Variants in MST1R observed in about 807,000 individuals in gnomAD.
MST1R encodes the protein macrophage stimulating 1 receptor, also known as macrophage-stimulating protein receptor.
A neutral mutation model predicts 117.8 loss-of-function variants in MST1R; 99 were observed. The observed-to-expected ratio is 0.84, with a 90% CI of 0.71 to 0.99. The LOEUF is 0.99. Ranked by LOEUF, MST1R falls within the 50% of genes least tolerant of loss-of-function variation. The pLI is 0.00. For missense variants in MST1R, 1,683 were observed against 1,840.2 expected, an observed-to-expected ratio of 0.91 and a Z score of 1.56; for synonymous variants, 734 against 765.3, an observed-to-expected ratio of 0.96 and a Z score of 0.68.
Position 49,902,998 on chromosome 3 carries a change from G to A in MST1R, c.612C>T (p.Asp204=), listed in dbSNP as rs781568417. The change falls in exon 1 of 20, where the codon GAC becomes GAT. Residue 204 remains aspartate (D), a synonymous_variant. Transcript: ENST00000296474. ...ASYFYVASSL[D]AAVAASFSPR... Reference sequence around the variant, plus strand: ...GGCTGAAGCTGGCAGCCACGGCTGCGTCCAGTGAGGATGCCACGTAGAAAT... The same window carrying A: ...GGCTGAAGCTGGCAGCCACGGCTGCATCCAGTGAGGATGCCACGTAGAAAT... 1.0e-4 allele frequency: 169 copies of A among 1,612,968 alleles called. No individual in the cohort carries two copies. The highest frequency in any genetic ancestry group is 1.6e-4 in the Middle Eastern group (1 of 6,084).
rs143735950 is a variant in MST1R, at chr3:49,902,632, G to C, written c.978C>G (p.Ser326=). ...QPYPVLRVAH[S]APVGAQLATE... is the part of the protein sequence containing the mutation. ...TGGCAAGTTGGGCACCCACTGGAGC[G>C]GAGTGGGCCACCCGCAGCACAGGGT... Residue 326 remains serine, a synonymous_variant, in exon 1 of 20, where the codon TCC becomes TCG. Coordinates refer to ENST00000296474, the MANE Select transcript of MST1R (RefSeq NM_002447.4). The C allele has an allele frequency of 1.2e-6, 2 of 1,613,488 alleles. No homozygotes were observed. Among genetic ancestry groups the C allele is most frequent in the South Asian group, 2.2e-5 (2 of 91,086 alleles).
At position 49,898,101 on chromosome 3, in the gene MST1R, A is replaced by T; in HGVS notation, c.1830T>A (p.Thr610=). The part of the protein sequence containing the change: ...GLVPEGTHQV[T]VGQSPCRPLP... ...GTGGCCGGCAGGGACTTTGGCCCACAGTGACCTGATGGGTTCCCTCAGGCA... is the reference window on the plus strand; with the variant it reads ...GTGGCCGGCAGGGACTTTGGCCCACTGTGACCTGATGGGTTCCCTCAGGCA... Residue 610 remains threonine, a synonymous_variant, in exon 5 of 20, where the codon ACT becomes ACA. Coordinates refer to ENST00000296474, the MANE Select transcript of MST1R (RefSeq NM_002447.4). 1 of 1,614,082 alleles carries T rather than the reference A, an allele frequency of 6.2e-7. No individual in the cohort carries two copies. Among genetic ancestry groups the T allele is most frequent in the Non-Finnish European group, 8.5e-7 (1 of 1,180,030 alleles).
rs757624747 is a variant in MST1R at position 49,903,193 on chromosome 3, C to T, written c.417G>A (p.Leu139=). 1.9e-6 allele frequency: 3 copies of T among 1,605,726 alleles called. No individual in the cohort carries two copies. In the Admixed American group the frequency reaches 5.0e-5, roughly 27 times the overall value. Reference sequence around the variant, plus strand: ...GGTCATGCAGGAAGCAGCGGCCCTGCAGGCTGGAGCCACAACTGACCAGCG... The same window carrying T: ...GGTCATGCAGGAAGCAGCGGCCCTGTAGGCTGGAGCCACAACTGACCAGCG... ...LPALVSCGSS[L]QGRCFLHDLE... The change falls in exon 1 of 20, where the codon CTG becomes CTA. Residue 139 remains leucine (L), a synonymous_variant. Coordinates refer to ENST00000296474, the MANE Select transcript of MST1R (RefSeq NM_002447.4).
Position 49,895,480 on chromosome 3 carries a change from G to T in MST1R, c.3031C>A (p.Leu1011Met), listed in dbSNP as rs775538583. Residue 1011 changes from leucine to methionine, a missense_variant, in exon 13 of 20, where the codon CTG becomes ATG. By Grantham distance (15) the Leu-to-Met change is conservative (BLOSUM62 2). Coordinates refer to ENST00000296474, the MANE Select transcript of MST1R (RefSeq NM_002447.4). ...QTAGATPLPI[L>M]YSGSDYRSGL... ...CTTCTGTAGTCAGAGCCCGAGTACA[G>T]AATAGGCAGGGGTGTGGCTCCAGCA... 5.0e-6 allele frequency: 8 copies of T among 1,614,178 alleles called. No homozygotes were observed. Among genetic ancestry groups the T allele is most frequent in the Admixed American group, 1.7e-5 (1 of 60,010 alleles).
intron 14 of MST1R, among the ~76,000 whole-genome samples, chr3:49,893,108 A>T (rs1178682630): frequency 6.6e-6 from 1 of 150,664 alleles, no homozygotes; most frequent in Non-Finnish European, 1.5e-5. Context: ...ATGAAACTCC[A>T]TTTCTACTAA....
At chr3:49,891,732 G>A (rs1438631730) in intron 15 of MST1R, 26 bp downstream of exon 15, 1 of 1,613,082 alleles carries the variant, frequency 6.2e-7, no homozygotes, top group East Asian at 2.2e-5. Context: ...CCCTCCCTCT[G>A]CCTTCCCATC....
chr3:49,898,392 A>C, intron 4 of MST1R, 126 bp downstream of exon 4: 1 of 1,386,308 alleles, frequency 7.2e-7, no homozygotes, highest in Non-Finnish European at 9.9e-7. Context: ...TCTGACAAGA[A>C]TGCCCTCCTT....
chr3:49,896,057 C>A lies in MST1R; in HGVS notation c.2700G>T (p.Val900=). 6.2e-7 allele frequency: 1 copy of A among 1,610,822 alleles called. No individual in the cohort carries two copies. Among genetic ancestry groups the A allele is most frequent in the East Asian group, 2.2e-5 (1 of 44,824 alleles). Residue 900 remains valine, a synonymous_variant, in exon 11 of 20, where the codon GTG becomes GTT. Transcript: ENST00000296474. ...ACTCGTGCTGGCAGCTCTCACCACC[C>A]ACGGTCACGTTGATACCCACACAGT... The part of the protein sequence containing the change: ...VADCVGINVT[V]GGESCQHEFR...
At chr3:49,889,123 T>C (rs1341647623) in intron 19 of MST1R, among the ~76,000 whole-genome samples, 1 of 152,222 alleles carries the variant, frequency 6.6e-6, no homozygotes, top group Non-Finnish European at 1.5e-5. Context: ...GCAGTCCCTG[T>C]GGGATGGGCT....
chr3:49,897,395 G>A lies in MST1R; in HGVS notation c.2068C>T (p.Gln690Ter), dbSNP rs61734381. The change falls in exon 7 of 20, where the codon CAA (glutamine) becomes TAA (stop). Residue 690 changes from glutamine to a stop codon, truncating the protein, a stop_gained. Coordinates refer to ENST00000296474, the MANE Select transcript of MST1R (RefSeq NM_002447.4). LOFTEE classifies it high-confidence loss of function. ...CCTGCCCGTGGGCCAAAGAGGGGTT[G>A]CACTGCTATCAGCACTGGCTCCTAA... is the stretch of plus-strand genomic sequence containing the variant. ...SFMEPVLIAV[Q>*]PLFGPRAGGT... 3.7e-4 allele frequency: 598 copies of A among 1,613,724 alleles called. 2 individuals are homozygous for A. The African/African-American group carries it at 7.0e-3, about 19-fold the overall frequency.
At chr3:49,898,716 G>T in intron 3 of MST1R, 28 bp from the exon 4 acceptor site, 4 of 1,612,590 alleles carry the variant, frequency 2.5e-6, no homozygotes, top group African/African-American at 1.3e-5. Flanking sequence ...GTGACTCAGG[G>T]GTGCCTGGAG....
chr3:49,902,435 G>A lies in MST1R; in HGVS notation c.1175C>T (p.Pro392Leu). Reference sequence around the variant, plus strand: ...GAAGTCGAGGCCTCGCCGGAGGCCTGGATGGACTGGGGATTCACAACAGCG... The same window carrying A: ...GAAGTCGAGGCCTCGCCGGAGGCCTAGATGGACTGGGGATTCACAACAGCG... ...VERCCESPVH[P>L]GLRRGLDFFQ... Residue 392 changes from proline (P) to leucine (L), a missense_variant, in exon 1 of 20, where the codon CCA becomes CTA. Transcript: ENST00000296474. 1 of 1,614,154 alleles carries A rather than the reference G, an allele frequency of 6.2e-7. No individual in the cohort carries two copies. Among genetic ancestry groups the A allele is most frequent in the Admixed American group, 1.7e-5 (1 of 60,028 alleles).
chr3:49,894,733 A>T (rs963337366), intron 14 of MST1R, among the ~76,000 whole-genome samples: 1 of 152,218 alleles, frequency 6.6e-6, no homozygotes, highest in African/African-American at 2.4e-5. Flanking sequence ...CAGAGAGGTT[A>T]AGTGGTATAC....
In MST1R at chr3:49,887,331, G is replaced by A; in HGVS notation, c.4179C>T (p.Leu1393=). Residue 1393 remains leucine (L), a synonymous_variant, in exon 20 of 20, where the codon CTC becomes CTT. Coordinates refer to ENST00000296474, the MANE Select transcript of MST1R (RefSeq NM_002447.4). ...MPGNVRRPRP[L]SEPPRPT The stretch of plus-strand genomic sequence containing the variant: ...GTCAAGTGGGCCGAGGAGGCTCTGA[G>A]AGTGGCCGGGGCCGGCGTACATTCC... The A allele has an allele frequency of 1.2e-6, 2 of 1,614,254 alleles. No individual in the cohort carries two copies. Among genetic ancestry groups the A allele is most frequent in the Non-Finnish European group, 1.7e-6 (2 of 1,180,054 alleles).
chr3:49,898,894 G>A lies in MST1R; in HGVS notation c.1521C>T (p.Asp507=), dbSNP rs1185020102. The A allele has an allele frequency of 3.1e-6, 5 of 1,614,016 alleles. No individual in the cohort carries two copies. The highest frequency in any genetic ancestry group is 1.1e-5 in the South Asian group (1 of 91,084). Residue 507 remains aspartate (D), a synonymous_variant, in exon 3 of 20, where the codon GAC becomes GAT. Coordinates refer to ENST00000296474, the MANE Select transcript of MST1R (RefSeq NM_002447.4). ...GGTCCCCAGAGGCAAAGAGTAGGTG[G>A]TCCCCAAGACGACTGACATCCCGCT... ...PVQRDVSRLG[D]HLLFASGDQV...
In MST1R at chr3:49,887,349, T is replaced by C; in HGVS notation, c.4161A>G (p.Val1387=). The change falls in exon 20 of 20, where the codon GTA becomes GTG. Residue 1387 remains valine (V), a synonymous_variant. Transcript: ENST00000296474. The part of the protein sequence containing the change: ...QPQFSPMPGN[V]RRPRPLSEPP... ...GCTCTGAGAGTGGCCGGGGCCGGCG[T>C]ACATTCCCTGGCATGGGTGAGAACT... 1.2e-6 allele frequency: 2 copies of C among 1,614,178 alleles called. No homozygotes were observed. Among genetic ancestry groups the C allele is most frequent in the South Asian group, 2.2e-5 (2 of 91,082 alleles).
Position 49,887,519 on chromosome 3 carries a change from G to A in MST1R, c.3991C>T (p.Arg1331Ter), listed in dbSNP as rs1397526390. 7.4e-6 allele frequency: 12 copies of A among 1,614,028 alleles called. No individual in the cohort carries two copies. The highest frequency in any genetic ancestry group is 1.3e-5 in the African/African-American group (1 of 74,926). The part of the protein sequence containing the change: ...QQCWEADPAV[R>*]PTFRVLVGEV... ...CCCACTAGTACTCTGAAGGTGGGTCGCACTGCTGGGTCTGCCTCCCAGCAT... is the reference window on the plus strand; with the variant it reads ...CCCACTAGTACTCTGAAGGTGGGTCACACTGCTGGGTCTGCCTCCCAGCAT... Residue 1331 changes from arginine (R) to a stop codon, truncating the protein, a stop_gained, in exon 20 of 20, where the codon CGA (arginine) becomes TGA (stop). Coordinates refer to ENST00000296474, the MANE Select transcript of MST1R (RefSeq NM_002447.4). LOFTEE classifies it low-confidence loss of function (END_TRUNC).
In MST1R at chr3:49,896,731, G is replaced by A. The variant is rs749519408; in HGVS notation, c.2343C>T (p.Tyr781=). ...VVLSISPNCG[Y]INSHITICGQ... ...GTGGGCAAAGAGGCAGTGCTTACATGTAGCCACAGTTGGGGCTGATGCTTA... is the reference window on the plus strand; with the variant it reads ...GTGGGCAAAGAGGCAGTGCTTACATATAGCCACAGTTGGGGCTGATGCTTA... Residue 781 remains tyrosine, a splice_region_variant and synonymous_variant, in exon 8 of 20, where the codon TAC becomes TAT. Coordinates refer to ENST00000296474, the MANE Select transcript of MST1R (RefSeq NM_002447.4). The A allele has an allele frequency of 3.8e-6, 6 of 1,597,000 alleles. No individual in the cohort carries two copies. The highest frequency in any genetic ancestry group is 4.3e-6 in the Non-Finnish European group (5 of 1,170,894).
intron 15 of MST1R, 40 bp downstream of exon 15, chr3:49,891,717 GA>G: frequency 1.9e-6 from 3 of 1,611,248 alleles, no homozygotes; most frequent in Non-Finnish European, 2.5e-6. Flanking sequence ...CTCCCAGCCT[GA>G]GGCCCCTCCC....
Sources: gnomAD v4.1 joint callset for allele counts (sites outside exome capture counted in the v4.1 genomes callset) on GRCh38, gnomAD v4.1.1 for gene constraint, MANE v1.5 for transcripts, NCBI Gene and HGNC (gene_info 2026-07-23, HGNC 2026-07-21) for gene names.